RYR2: variants seen among roughly 807,000 people sequenced by gnomAD.
RYR2 encodes the protein ryanodine receptor 2.
A neutral mutation model predicts 601.1 loss-of-function variants in RYR2; 227 were observed. The ratio of observed to expected loss-of-function variants is 0.38; its 90% CI spans 0.34 to 0.42. RYR2 has a LOEUF of 0.42. Among genes scored for constraint, RYR2 ranks in the 10% least tolerant of loss-of-function variants. RYR2 has a pLI of 1.00. For synonymous variants in RYR2, 2,223 were observed against 2,175.1 expected, an observed-to-expected ratio of 1.02 and a Z score of -0.61; for missense variants, 4,646 against 6,156.5, an observed-to-expected ratio of 0.75 and a Z score of 8.21.
chr1:237,546,584 T>C (rs1256845371), intron 25 of RYR2, among the ~76,000 whole-genome samples: 1 of 152,074 alleles, frequency 6.6e-6, no homozygotes, highest in Non-Finnish European at 1.5e-5. Flanking sequence ...TTTTGCCATA[T>C]CAGCCAGGCT....
intron 1 of RYR2, among the ~76,000 whole-genome samples, chr1:237,261,691 T>C (rs1688542807): frequency 6.6e-6 from 1 of 152,014 alleles, no homozygotes; most frequent in Non-Finnish European, 1.5e-5. Flanking sequence ...AGCCCAGGAG[T>C]TCTAGACCAG....
At chr1:237,436,261 T>C (rs1707339731) in intron 12 of RYR2, among the ~76,000 whole-genome samples, 1 of 119,000 alleles carries the variant, frequency 8.4e-6, no homozygotes, top group African/African-American at 2.9e-5. Context: ...CCACGCACAC[T>C]CTAGGGGAGG....
At chr1:237,478,059 G>T (rs1056762903) in intron 17 of RYR2, among the ~76,000 whole-genome samples, 2 of 152,136 alleles carry the variant, frequency 1.3e-5, no homozygotes, top group South Asian at 2.1e-4. Flanking sequence ...AGCCCATTAG[G>T]ATACAATGTC....
In RYR2 at chr1:237,784,086, T is replaced by C; in HGVS notation, c.12374T>C (p.Val4125Ala). 6.2e-7 allele frequency: 1 copy of C among 1,613,998 alleles called. No individual in the cohort carries two copies. Among genetic ancestry groups the C allele is most frequent in the Non-Finnish European group, 8.5e-7 (1 of 1,179,896 alleles). The change falls in exon 90 of 105, where the codon GTC becomes GCC. Residue 4125 changes from valine (V) to alanine (A), a missense_variant. Val to Ala is a moderately conservative substitution (Grantham distance 64). Transcript: ENST00000366574. This position sits in a 1 kb window ranked among gnomAD's most constrained non-coding sequence, Gnocchi z 7.1. Reference sequence around the variant, plus strand: ...ACTTTTCTGGAATTAGCAGAGAGCGTCCTGAATTATTTCCAGCCCTTTCTG... The same window carrying C: ...ACTTTTCTGGAATTAGCAGAGAGCGCCCTGAATTATTTCCAGCCCTTTCTG... The part of the protein sequence containing the change: ...LQTFLELAES[V>A]LNYFQPFLGR...
intron 32 of RYR2, among the ~76,000 whole-genome samples, chr1:237,592,547 TG>T (rs1559080080): frequency 1.4e-5 from 2 of 143,896 alleles, no homozygotes; most frequent in Admixed American, 6.9e-5. Flanking sequence ...GCAGGAGAAT[TG>T]CTTGAACCCA....
intron 24 of RYR2, among the ~76,000 whole-genome samples, chr1:237,513,304 A>G (rs1013982068): frequency 1.3e-5 from 2 of 152,218 alleles, no homozygotes; most frequent in Admixed American, 6.5e-5. Flanking sequence ...TTGATGTCCT[A>G]CAGAACTGGA....
intron 41 of RYR2, 93 bp downstream of exon 41, chr1:237,628,173 A>C: frequency 1.5e-6 from 2 of 1,353,432 alleles, no homozygotes; most frequent in East Asian, 4.7e-5. Flanking sequence ...TGATAAAAAT[A>C]TATTGTCTGG....
At chr1:237,351,491 G>T (rs188828247) in intron 3 of RYR2, among the ~76,000 whole-genome samples, 27 of 151,960 alleles carry the variant, frequency 1.8e-4, no homozygotes, top group Non-Finnish European at 2.9e-4. Flanking sequence ...AACAATATTA[G>T]AAATGAAAAT....
At position 237,815,301 on chromosome 1, in the gene RYR2, T is replaced by C. The variant is rs528164539; in HGVS notation, c.14434-3735T>C. ...ATGAAAAGAAAGGTGGATAAAAGGA[T>C]TTTCAGTTGCAGCAGGATAATTTGG... On this transcript the variant is annotated intron_variant, in intron 100 of 104. Coordinates refer to ENST00000366574, the MANE Select transcript of RYR2 (RefSeq NM_001035.3). Among the ~76,000 whole-genome samples the C allele has an allele frequency of 2.0e-5, 3 of 152,254 alleles. No individual in the cohort carries two copies. In the South Asian group the frequency reaches 6.2e-4, roughly 32 times the overall value.
intron 24 of RYR2, among the ~76,000 whole-genome samples, chr1:237,516,236 G>A (rs953061688): frequency 6.6e-6 from 1 of 151,908 alleles, no homozygotes; most frequent in East Asian, 1.9e-4. Flanking sequence ...TCAGCCTCCC[G>A]AGTAGCTGGG....
At chr1:237,644,704 T>C (rs566864392) in intron 48 of RYR2, among the ~76,000 whole-genome samples, 1 of 152,326 alleles carries the variant, frequency 6.6e-6, no homozygotes, top group African/African-American at 2.4e-5. Flanking sequence ...TATACATAAA[T>C]CATTTACATG....
At chr1:237,192,390 T>C (rs1680070739) in intron 1 of RYR2, among the ~76,000 whole-genome samples, 1 of 152,070 alleles carries the variant, frequency 6.6e-6, no homozygotes, top group African/African-American at 2.4e-5. Context: ...TTTTTTTGTA[T>C]TTTTAGTATA....
At chr1:237,605,528 C>A (rs971660183) in intron 35 of RYR2, among the ~76,000 whole-genome samples, 3 of 151,940 alleles carry the variant, frequency 2.0e-5, no homozygotes, top group Non-Finnish European at 2.9e-5. Context: ...GCCTTCTCTC[C>A]CCACTCCTAT....
intron 24 of RYR2, among the ~76,000 whole-genome samples, chr1:237,514,431 C>A (rs1666218229): frequency 6.6e-6 from 1 of 152,104 alleles, no homozygotes; most frequent in Non-Finnish European, 1.5e-5. Flanking sequence ...ATGTAAATCA[C>A]CCTCTTCACA....
At chr1:237,290,967 C>T (rs772101574) in intron 2 of RYR2, among the ~76,000 whole-genome samples, 6 of 152,088 alleles carry the variant, frequency 3.9e-5, no homozygotes, top group Non-Finnish European at 8.8e-5. Flanking sequence ...TTGGCAAAAG[C>T]TTTTGAGTTT....
intron 12 of RYR2, among the ~76,000 whole-genome samples, chr1:237,437,318 C>T (rs1303533448): frequency 6.6e-6 from 1 of 152,088 alleles, no homozygotes; most frequent in African/African-American, 2.4e-5. Flanking sequence ...TCCTAAAGTG[C>T]TGGGATTACA....
intron 33 of RYR2, among the ~76,000 whole-genome samples, chr1:237,595,294 G>A (rs1307279062): frequency 6.6e-6 from 1 of 152,102 alleles, no homozygotes. Flanking sequence ...GTGAAATGTA[G>A]AGACTTATAA....
At chr1:237,530,610 C>G (rs932365561) in intron 25 of RYR2, 100 bp downstream of exon 25, 3 of 978,570 alleles carry the variant, frequency 3.1e-6, no homozygotes, top group Non-Finnish European at 4.7e-6. Flanking sequence ...TTTACTGAAG[C>G]TTTAAAATTC....
intron 39 of RYR2, 94 bp downstream of exon 39, chr1:237,623,964 G>A (rs913368889): frequency 2.1e-5 from 16 of 769,580 alleles, no homozygotes; most frequent in Admixed American, 4.4e-5. Flanking sequence ...ATATTTTCAC[G>A]AATACACACG....
Sources: gnomAD v4.1 joint callset for allele counts (sites outside exome capture counted in the v4.1 genomes callset) on GRCh38, gnomAD v4.1.1 for gene constraint, Gnocchi (gnomAD v3.1) non-coding constraint, MANE v1.5 for transcripts, NCBI Gene and HGNC (gene_info 2026-07-23, HGNC 2026-07-21) for gene names.